Variants in SLC2A12 observed in about 807,000 individuals in gnomAD.
SLC2A12 encodes solute carrier family 2 member 12.
Under a neutral mutation model 41.8 loss-of-function variants are expected in SLC2A12, and 23 were observed. The ratio of observed to expected loss-of-function variants is 0.55; its 90% confidence interval spans 0.40 to 0.78. SLC2A12 has a LOEUF of 0.78. Ranked by LOEUF, SLC2A12 falls within the 30% of genes least tolerant of loss-of-function variation. The pLI, the probability that SLC2A12 is intolerant of heterozygous loss-of-function variation, is 0.00. For synonymous variants in SLC2A12, 295 were observed against 285.9 expected, an observed-to-expected ratio of 1.03 and a Z score of -0.32; for missense variants, 654 against 745.6, an observed-to-expected ratio of 0.88 and a Z score of 1.43.
intron 1 of SLC2A12, among the ~76,000 whole-genome samples, chr6:134,048,011 C>G (rs1033437466): frequency 2.0e-5 from 3 of 152,334 alleles, no homozygotes; most frequent in African/African-American, 7.2e-5. Context: ...TAGAGAGGAG[C>G]AAGACCACTG....
At chr6:134,051,241 A>C (rs1773680024) in intron 1 of SLC2A12, among the ~76,000 whole-genome samples, 1 of 152,100 alleles carries the variant, frequency 6.6e-6, no homozygotes, top group Non-Finnish European at 1.5e-5. Context: ...CTTGACGAGA[A>C]GTGTGAAAGC....
At position 134,028,393 on chromosome 6, in the gene SLC2A12, C is replaced by A; in HGVS notation, c.1432G>T (p.Gly478Cys). 1.2e-6 allele frequency: 2 copies of A among 1,611,826 alleles called. No homozygotes were observed. Among genetic ancestry groups the A allele is most frequent in the Non-Finnish European group, 1.7e-6 (2 of 1,178,992 alleles). The part of the protein sequence containing the change: ...LLVYVAAFSI[G>C]LGPMPWLVLS... ...ATAAAGTACTTACTTGGTCCTAGACCAATTGAAAAAGCAGCAACATAAACA... is the reference window on the plus strand; with the variant it reads ...ATAAAGTACTTACTTGGTCCTAGACAAATTGAAAAAGCAGCAACATAAACA... Residue 478 changes from glycine (G) to cysteine (C), a missense_variant, in exon 2 of 5, where the codon GGT (glycine) becomes TGT (cysteine). By Grantham distance (159) the Gly-to-Cys change is radical. This residue lies in a region of SLC2A12 where 134 missense variants were observed against 180.5 expected (regional missense o/e 0.74). Transcript: ENST00000275230.
intron 1 of SLC2A12, among the ~76,000 whole-genome samples, chr6:134,037,478 C>T (rs781452731): frequency 1.1e-4 from 16 of 151,992 alleles, no homozygotes; most frequent in South Asian, 2.1e-4. Context: ...CCTCAGCGTC[C>T]GGAGTAGCTG....
Position 134,035,987 on chromosome 6 carries a change from T to C in SLC2A12, c.104-6266A>G, listed in dbSNP as rs181620130. The stretch of plus-strand genomic sequence containing the variant: ...AGTGAGTCAGATGAAACCACAACTG[T>C]AGCTGGCACTCAACACGAAACAATC... On this transcript the variant is annotated intron_variant, in intron 1 of 4. Transcript: ENST00000275230. Among the ~76,000 whole-genome samples the C allele has an allele frequency of 2.0e-5, 3 of 152,326 alleles. No homozygotes were observed. In the East Asian group the frequency reaches 5.8e-4, roughly 29 times the overall value.
At chr6:134,032,108 AG>A (rs1395835374) in intron 1 of SLC2A12, among the ~76,000 whole-genome samples, 9 of 152,068 alleles carry the variant, frequency 5.9e-5, no homozygotes, top group African/African-American at 1.9e-4. Context: ...TAGTGAAATA[AG>A]CAGGTCAAAT....
chr6:133,996,177 A>G (rs978452786), intron 4 of SLC2A12, among the ~76,000 whole-genome samples: 1 of 152,240 alleles, frequency 6.6e-6, no homozygotes, highest in African/African-American at 2.4e-5. Context: ...AATTGGATGG[A>G]TGGATGAATG....
intron 1 of SLC2A12, among the ~76,000 whole-genome samples, chr6:134,045,603 C>A (rs557955437): frequency 8.9e-4 from 135 of 152,260 alleles, no homozygotes; most frequent in Non-Finnish European, 1.5e-3. Context: ...ACAGAAGAGA[C>A]CCTGGTACCT....
chr6:134,045,969 T>C (rs1397906913), intron 1 of SLC2A12, among the ~76,000 whole-genome samples: 1 of 152,210 alleles, frequency 6.6e-6, no homozygotes, highest in Admixed American at 6.5e-5. Flanking sequence ...CTCCTGTGAT[T>C]TTGTCTGAAG....
At chr6:134,023,421 G>A (rs1453214408) in intron 2 of SLC2A12, among the ~76,000 whole-genome samples, 8 of 152,164 alleles carry the variant, frequency 5.3e-5, no homozygotes, top group African/African-American at 1.9e-4. Context: ...GAATGGAAGT[G>A]GTAAAGAACC....
At chr6:134,044,625 A>G (rs1192210234) in intron 1 of SLC2A12, among the ~76,000 whole-genome samples, 3 of 151,560 alleles carry the variant, frequency 2.0e-5, no homozygotes, top group African/African-American at 4.9e-5. Context: ...GAGGCAGGAG[A>G]ATCGCTTGAA....
chr6:134,040,245 A>AT (rs1777364700), intron 1 of SLC2A12, among the ~76,000 whole-genome samples: 2 of 149,994 alleles, frequency 1.3e-5, no homozygotes, highest in Non-Finnish European at 3.0e-5. Flanking sequence ...CACCTGGCCA[A>AT]TTTTTGTATT....
rs540462445 is a variant in SLC2A12 at position 133,989,001 on chromosome 6, G to C, written c.*2154C>G. The C allele has an allele frequency of 3.3e-5, 5 of 152,226 alleles. No individual in the cohort carries two copies. In the South Asian group the frequency reaches 1.0e-3, roughly 32 times the overall value. The allele number at this position is 152,226 out of a possible 1,614,324, so 9.4% of individuals were successfully genotyped here. A position where few individuals can be genotyped will look rare whatever the true frequency, so the allele number is the denominator to read the frequency against. ...TAGTATTCGCATGACTTGAAAACTG[G>C]GCAGATCAATAGATAATCGAAGTGC... On this transcript the variant is annotated 3_prime_UTR_variant, in exon 5 of 5. Coordinates refer to ENST00000275230, the MANE Select transcript of SLC2A12 (RefSeq NM_145176.3).
At position 134,020,647 on chromosome 6, in the gene SLC2A12, C is replaced by T. The variant is rs1438868985; in HGVS notation, c.1444+7734G>A. On this transcript the variant is annotated intron_variant, in intron 2 of 4. Coordinates refer to ENST00000275230, the MANE Select transcript of SLC2A12 (RefSeq NM_145176.3). ...ATTATTTGGGTCTCTTTTAAAAACA[C>T]GAGGAGAATCCATAGCCTCAAGATA... Among the ~76,000 whole-genome samples, 5 of 152,084 alleles carry T rather than the reference C, an allele frequency of 3.3e-5. No homozygotes were observed. In the East Asian group the frequency reaches 7.7e-4, roughly 23 times the overall value.
chr6:134,029,805 T>C (rs1298846720), intron 1 of SLC2A12, 84 bp from the exon 2 acceptor site: 1 of 1,483,498 alleles, frequency 6.7e-7, no homozygotes, highest in Non-Finnish European at 8.9e-7. Flanking sequence ...TTTAACCTTG[T>C]AGAAGTCTTT....
At chr6:134,035,520 C>A (rs1331871813) in intron 1 of SLC2A12, among the ~76,000 whole-genome samples, 1 of 152,176 alleles carries the variant, frequency 6.6e-6, no homozygotes, top group Non-Finnish European at 1.5e-5. Flanking sequence ...CATTTCTACA[C>A]GCCCATCCTT....
In SLC2A12 at chr6:134,039,880, C is replaced by T. The variant is rs146421845; in HGVS notation, c.104-10159G>A. ...CCTCCACCCCACTCTCTCTCTCTCACTCCAGTTTTCACAATGTGATGTACC... is the reference window on the plus strand; with the variant it reads ...CCTCCACCCCACTCTCTCTCTCTCATTCCAGTTTTCACAATGTGATGTACC... On this transcript the variant is annotated intron_variant, in intron 1 of 4. Transcript: ENST00000275230. Among the ~76,000 whole-genome samples the T allele has an allele frequency of 6.3e-4, 96 of 152,190 alleles. 2 individuals are homozygous for T. The East Asian group carries it at 0.017, about 28-fold the overall frequency.
intron 4 of SLC2A12, among the ~76,000 whole-genome samples, chr6:133,995,364 C>T (rs532386551): frequency 6.6e-6 from 1 of 152,010 alleles, no homozygotes; most frequent in South Asian, 2.1e-4. Flanking sequence ...AGGGGGCTCT[C>T]ATAGGAAGGA....
chr6:134,052,210 C>T (rs1773695635), intron 1 of SLC2A12, among the ~76,000 whole-genome samples, 168 bp downstream of exon 1: 1 of 151,404 alleles, frequency 6.6e-6, no homozygotes, highest in South Asian at 2.1e-4. Flanking sequence ...CTGTCCCCTT[C>T]TCTCCACTCA....
chr6:134,008,916 T>C (rs1183083995), intron 2 of SLC2A12: 3 of 152,142 alleles, frequency 2.0e-5, no homozygotes, highest in Non-Finnish European at 2.9e-5. Context: ...GTAGAGGAGA[T>C]AGCTCAGGGT....
Sources: gnomAD v4.1 joint callset for allele counts (sites outside exome capture counted in the v4.1 genomes callset) on GRCh38, gnomAD v4.1.1 for gene constraint, gnomAD v4.1.1 regional missense constraint, MANE v1.5 for transcripts, NCBI Gene and HGNC (gene_info 2026-07-23, HGNC 2026-07-21) for gene names.